Variants in TRDMT1 observed in about 807,000 individuals in gnomAD.
The protein encoded by TRDMT1 is tRNA (cytosine(38)-C(5))-methyltransferase.
In TRDMT1, 49 loss-of-function variants were observed where a neutral mutation model predicts 51.2. That is an observed-to-expected ratio of 0.96 (90% CI 0.76 to 1.21). The LOEUF is 1.21. Ranked by LOEUF, TRDMT1 falls within the 50% of genes most tolerant of loss-of-function variation. TRDMT1 has a pLI of 0.00. For missense variants in TRDMT1, 534 were observed against 462.3 expected, an observed-to-expected ratio of 1.16 and a Z score of -1.42; for synonymous variants, 187 against 164.6, an observed-to-expected ratio of 1.14 and a Z score of -1.04.
At chr10:17,169,494 T>C (rs1841675642) in intron 2 of TRDMT1, 1 of 1,289,684 alleles carries the variant, frequency 7.8e-7, no homozygotes, top group Non-Finnish European at 1.0e-6. Context: ...TCAAAAGAAT[T>C]CCTAATGGGC....
At chr10:17,186,143 G>C (rs530602645) in intron 1 of TRDMT1, among the ~76,000 whole-genome samples, 11 of 152,104 alleles carry the variant, frequency 7.2e-5, no homozygotes, top group African/African-American at 2.4e-4. Context: ...ATGAATATTT[G>C]GTGGTATACA....
At chr10:17,196,052 G>T (rs1845382137) in intron 1 of TRDMT1, among the ~76,000 whole-genome samples, 1 of 152,156 alleles carries the variant, frequency 6.6e-6, no homozygotes, top group Admixed American at 6.5e-5. Context: ...GTAGTTGCCT[G>T]ATTCAGTTAC....
chr10:17,186,974 C>G (rs1022646582), intron 1 of TRDMT1, among the ~76,000 whole-genome samples: 1 of 152,106 alleles, frequency 6.6e-6, no homozygotes, highest in South Asian at 2.1e-4. Context: ...TAATCTAAGC[C>G]TTCACCAGTG....
rs17139972 is a variant in TRDMT1, at chr10:17,148,402, T to C, written c.*638A>G. The stretch of plus-strand genomic sequence containing the variant: ...GAAGAAGGAAAAATGAGTTTTGTCC[T>C]TCAGATAGAGGCTGAGGAAAATGTA... On this transcript the variant is annotated 3_prime_UTR_variant, in exon 11 of 11. Transcript: ENST00000377799. 11,081 of 985,386 alleles carry C rather than the reference T, an allele frequency of 0.011. 881 individuals carry two copies. The African/African-American group carries it at 0.17, about 15-fold the overall frequency. 61.0% of individuals were successfully genotyped at this position (985,386 alleles called of 1,614,324 possible). A position where few individuals can be genotyped will look rare whatever the true frequency, so the allele number is the denominator to read the frequency against.
chr10:17,147,285 T>C lies in TRDMT1; in HGVS notation c.*1755A>G. ...TCTGTCTGAACACATATGAAAAATG[T>C]AGATAGTGATAGTTTCTGTATATGG... On this transcript the variant is annotated 3_prime_UTR_variant, in exon 11 of 11. Coordinates refer to ENST00000377799, the MANE Select transcript of TRDMT1 (RefSeq NM_004412.7). 2.0e-6 allele frequency: 2 copies of C among 985,652 alleles called. No individual in the cohort carries two copies. Among genetic ancestry groups the C allele is most frequent in the Non-Finnish European group, 2.4e-6 (2 of 829,864 alleles). 61.1% of individuals were successfully genotyped at this position (985,652 alleles called of 1,614,324 possible).
rs1554824584 is a variant in TRDMT1 at position 17,145,281 on chromosome 10, A to AC, written c.*3758_*3759insG. ...ACAAAACAAAACAAAACAAAACAAA[A>AC]AAAACAGCAAAGGGAAACTCTCAAA... On this transcript the variant is annotated 3_prime_UTR_variant, in exon 11 of 11. Transcript: ENST00000377799. 4.7e-5 allele frequency: 46 copies of AC among 979,200 alleles called. No homozygotes were observed. Among genetic ancestry groups the AC allele is most frequent in the Middle Eastern group, 5.2e-4 (1 of 1,916 alleles). The allele number at this position is 979,200 out of a possible 1,614,324, so 60.7% of individuals were successfully genotyped here.
rs757662114 is a variant in TRDMT1 at position 17,146,394 on chromosome 10, T to C, written c.*2646A>G. 342 of 985,318 alleles carry C rather than the reference T, an allele frequency of 3.5e-4. No individual in the cohort carries two copies. Among genetic ancestry groups the C allele is most frequent in the Admixed American group, 1.2e-3 (20 of 16,262 alleles). The allele number at this position is 985,318 out of a possible 1,614,324, so 61.0% of individuals were successfully genotyped here. A position where few individuals can be genotyped will look rare whatever the true frequency, so the allele number is the denominator to read the frequency against. ...TCTGTGAAGGTGATGCCATCATTCC[T>C]CTTTCTTGCCTGCCACTGAGGATTG... On this transcript the variant is annotated 3_prime_UTR_variant, in exon 11 of 11. Transcript: ENST00000377799.
At chr10:17,152,643 A>C (rs1048617133) in intron 10 of TRDMT1, among the ~76,000 whole-genome samples, 1 of 152,142 alleles carries the variant, frequency 6.6e-6, no homozygotes, top group African/African-American at 2.4e-5. Flanking sequence ...AGGTACTGGG[A>C]GCATGCCCAC....
In TRDMT1 at chr10:17,174,798, C is replaced by G. The variant is rs12250446; in HGVS notation, c.65-138G>C. The G allele has an allele frequency of 0.019, 13,107 of 685,364 alleles. 1,271 individuals are homozygous for G. The African/African-American group carries it at 0.21, about 11-fold the overall frequency. The allele number at this position is 685,364 out of a possible 1,614,324, so 42.5% of individuals were successfully genotyped here. A position where few individuals can be genotyped will look rare whatever the true frequency, so the allele number is the denominator to read the frequency against. ...TCATCTCAGACTGTCAGTGGAAGGTCAGGCCAGGGGAAGCCAGGCATGAAG... is the reference window on the plus strand; with the variant it reads ...TCATCTCAGACTGTCAGTGGAAGGTGAGGCCAGGGGAAGCCAGGCATGAAG... On this transcript the variant is annotated intron_variant, in intron 1 of 10. Coordinates refer to ENST00000377799, the MANE Select transcript of TRDMT1 (RefSeq NM_004412.7).
chr10:17,200,188 C>G (rs1845962640), intron 1 of TRDMT1, among the ~76,000 whole-genome samples: 1 of 152,142 alleles, frequency 6.6e-6, no homozygotes. Context: ...AACTGTAGCA[C>G]ACTGTACTTG....
intron 1 of TRDMT1, among the ~76,000 whole-genome samples, chr10:17,182,115 A>T (rs1388402646): frequency 6.6e-6 from 1 of 152,218 alleles, no homozygotes. Flanking sequence ...AACTATTAAT[A>T]GCAAGAGTAG....
Position 17,139,112 on chromosome 10 carries a change from G to A in TRDMT1, c.*9928C>T. On this transcript the variant is annotated 3_prime_UTR_variant, in exon 11 of 11. Coordinates refer to ENST00000377799, the MANE Select transcript of TRDMT1 (RefSeq NM_004412.7). ...GAATGGGGACTTCAGCAGCTCCATT[G>A]GATTAATCCAAGCTTGGTTTCCAAG... 1.1e-6 allele frequency: 1 copy of A among 932,456 alleles called. No homozygotes were observed. Among genetic ancestry groups the A allele is most frequent in the Non-Finnish European group, 1.3e-6 (1 of 781,422 alleles). 57.8% of individuals were successfully genotyped at this position (932,456 alleles called of 1,614,324 possible). A position where few individuals can be genotyped will look rare whatever the true frequency, so the allele number is the denominator to read the frequency against.
chr10:17,177,135 T>C (rs923195034), intron 1 of TRDMT1, among the ~76,000 whole-genome samples: 6 of 151,400 alleles, frequency 4.0e-5, no homozygotes, highest in Admixed American at 3.3e-4. Context: ...GGAAGCCTGG[T>C]TTAAAAAAAA....
intron 10 of TRDMT1, among the ~76,000 whole-genome samples, chr10:17,149,766 T>C (rs1838450999): frequency 1.3e-5 from 2 of 152,174 alleles, no homozygotes; most frequent in African/African-American, 4.8e-5. Context: ...TTTCTTTCAC[T>C]AAACATGTTT....
intron 1 of TRDMT1, among the ~76,000 whole-genome samples, chr10:17,178,786 T>C (rs932048091): frequency 4.6e-5 from 7 of 152,148 alleles, no homozygotes; most frequent in African/African-American, 1.7e-4. Flanking sequence ...CCAGTTTCCT[T>C]AGAAAGTTTC....
rs1837970814 is a variant in TRDMT1, at chr10:17,144,893, T to C, written c.*4147A>G. On this transcript the variant is annotated 3_prime_UTR_variant, in exon 11 of 11. Coordinates refer to ENST00000377799, the MANE Select transcript of TRDMT1 (RefSeq NM_004412.7). ...TGAAAGGGAAAATGATGCACACAGG[T>C]TGACTCATGCAAACTGAAACTAAAG... is the stretch of plus-strand genomic sequence containing the variant. 1 of 985,114 alleles carries C rather than the reference T, an allele frequency of 1.0e-6. No individual in the cohort carries two copies. The highest frequency in any genetic ancestry group is 6.2e-5 in the Admixed American group (1 of 16,228). 61.0% of individuals were successfully genotyped at this position (985,114 alleles called of 1,614,324 possible). A position where few individuals can be genotyped will look rare whatever the true frequency, so the allele number is the denominator to read the frequency against.
At chr10:17,179,657 G>C (rs2131548600) in intron 1 of TRDMT1, among the ~76,000 whole-genome samples, 1 of 150,994 alleles carries the variant, frequency 6.6e-6, no homozygotes, top group East Asian at 2.0e-4. Flanking sequence ...TCATCTGGGA[G>C]ATGAATTGCA....
At chr10:17,173,255 T>C (rs908548060) in intron 2 of TRDMT1, among the ~76,000 whole-genome samples, 1 of 152,156 alleles carries the variant, frequency 6.6e-6, no homozygotes. Flanking sequence ...CAACTTTACT[T>C]GTAATGGTAA....
rs755755839 is a variant in TRDMT1, at chr10:17,140,923, T to A, written c.*8117A>T. ...TATTTCACATATCAGATAAGCCTAA[T>A]TCCATGTTAACTACCTGCTCGCCCT... On this transcript the variant is annotated 3_prime_UTR_variant, in exon 11 of 11. Coordinates refer to ENST00000377799, the MANE Select transcript of TRDMT1 (RefSeq NM_004412.7). Among the ~76,000 whole-genome samples the A allele has an allele frequency of 1.3e-5, 2 of 152,220 alleles. No individual in the cohort carries two copies. The highest frequency in any genetic ancestry group is 2.9e-5 in the Non-Finnish European group (2 of 68,038).
Sources: gnomAD v4.1 joint callset for allele counts (sites outside exome capture counted in the v4.1 genomes callset) on GRCh38, gnomAD v4.1.1 for gene constraint, MANE v1.5 for transcripts, NCBI Gene and HGNC (gene_info 2026-07-23, HGNC 2026-07-21) for gene names.